ACVR1C: variants seen among roughly 807,000 people sequenced by gnomAD.
ACVR1C encodes the protein activin receptor type-1C.
In ACVR1C, 23 loss-of-function variants were observed where a neutral mutation model predicts 57.9. That is an observed-to-expected ratio of 0.40 (90% CI 0.29 to 0.56). The LOEUF (loss-of-function observed/expected upper bound fraction) is 0.56, where lower values mean the gene tolerates loss of function less well. ACVR1C is among the 20% of genes least tolerant of loss of function. ACVR1C has a pLI of 0.50. For missense variants in ACVR1C, 480 were observed against 607.9 expected, an observed-to-expected ratio of 0.79 and a Z score of 2.21; for synonymous variants, 214 against 215.3, an observed-to-expected ratio of 0.99 and a Z score of 0.05.
intron 1 of ACVR1C, among the ~76,000 whole-genome samples, chr2:157,615,522 G>A (rs1490269965): frequency 2.6e-5 from 4 of 152,022 alleles, no homozygotes; most frequent in South Asian, 4.2e-4. Context: ...CTACAGGTGT[G>A]CACAACCATA....
chr2:157,627,137 A>G (rs115451568), intron 1 of ACVR1C, among the ~76,000 whole-genome samples: 2 of 152,176 alleles, frequency 1.3e-5, no homozygotes, highest in African/African-American at 4.8e-5. Flanking sequence ...CAGCTCCTCC[A>G]AATAAAAAGA....
rs139424604 is a variant in ACVR1C, at chr2:157,602,704, T to C, written c.74-15287A>G. 6.1e-3 allele frequency among the ~76,000 whole-genome samples: 931 copies of C among 152,270 alleles called. 6 individuals carry two copies. The highest frequency in any genetic ancestry group is 0.021 in the African/African-American group (859 of 41,558). ...TATTTAGGTTGGAACTTGTTCACTA[T>C]AAATATGAAAAGTAAAATAATTAAA... On this transcript the variant is annotated intron_variant, in intron 1 of 8. Coordinates refer to ENST00000243349, the MANE Select transcript of ACVR1C (RefSeq NM_145259.3).
intron 1 of ACVR1C, among the ~76,000 whole-genome samples, chr2:157,623,137 G>T (rs147038345): frequency 9.6e-4 from 146 of 152,280 alleles, no homozygotes; most frequent in Middle Eastern, 6.8e-3. Flanking sequence ...GGAAAAAAGC[G>T]AACATTTGTA....
chr2:157,555,472 G>C (rs536892873), intron 3 of ACVR1C, among the ~76,000 whole-genome samples: 1 of 152,334 alleles, frequency 6.6e-6, no homozygotes, highest in South Asian at 2.1e-4. Flanking sequence ...GAGGAAGACA[G>C]TCATGTATGT....
At chr2:157,604,190 C>A (rs1231503196) in intron 1 of ACVR1C, among the ~76,000 whole-genome samples, 1 of 152,000 alleles carries the variant, frequency 6.6e-6, no homozygotes, top group Non-Finnish European at 1.5e-5. Context: ...GAAATTATTA[C>A]AGTAACTATT....
chr2:157,600,517 C>T (rs1382640208), intron 1 of ACVR1C, among the ~76,000 whole-genome samples: 1 of 152,086 alleles, frequency 6.6e-6, no homozygotes, highest in African/African-American at 2.4e-5. Context: ...CTATCTGTCT[C>T]AAGTTTAGAA....
chr2:157,586,886 T>C (rs763948695), intron 2 of ACVR1C, among the ~76,000 whole-genome samples: 2 of 152,188 alleles, frequency 1.3e-5, no homozygotes, highest in Non-Finnish European at 2.9e-5. Context: ...AATTTCTTTT[T>C]AAAAACTCCA....
intron 2 of ACVR1C, among the ~76,000 whole-genome samples, chr2:157,574,483 T>G (rs1201876160): frequency 6.6e-6 from 1 of 152,208 alleles, no homozygotes; most frequent in Non-Finnish European, 1.5e-5. Flanking sequence ...GGGGAACATA[T>G]TTAGACCATA....
At chr2:157,565,130 T>A (rs1047928269) in intron 2 of ACVR1C, among the ~76,000 whole-genome samples, 2 of 151,060 alleles carry the variant, frequency 1.3e-5, no homozygotes, top group Non-Finnish European at 2.9e-5. Context: ...AAAATTCTTT[T>A]AAAAATAAAA....
At chr2:157,540,961 C>A (rs1687612687) in intron 7 of ACVR1C, 129 bp downstream of exon 7, 1 of 1,172,988 alleles carries the variant, frequency 8.5e-7, no homozygotes, top group South Asian at 1.8e-5. Flanking sequence ...AATATATCAC[C>A]AAAAGGTATT....
chr2:157,587,058 A>G, intron 2 of ACVR1C, 129 bp downstream of exon 2: 1 of 889,850 alleles, frequency 1.1e-6, no homozygotes, highest in Non-Finnish European at 1.7e-6. Context: ...TTTACCAGCC[A>G]AAATCAAAAA....
intron 4 of ACVR1C, among the ~76,000 whole-genome samples, chr2:157,549,863 C>T (rs1312588525): frequency 2.1e-5 from 3 of 146,116 alleles, no homozygotes; most frequent in Admixed American, 6.8e-5. Context: ...ATTAGCCAGG[C>T]GTAGTGGCGG....
chr2:157,581,300 T>C (rs1304083456), intron 2 of ACVR1C, among the ~76,000 whole-genome samples: 2 of 151,868 alleles, frequency 1.3e-5, no homozygotes, highest in African/African-American at 2.4e-5. Flanking sequence ...AGAGAGACTA[T>C]AGATATTGAA....
In ACVR1C at chr2:157,532,071, C is replaced by G. The variant is rs921412363; in HGVS notation, c.*1847G>C. ...GAGCATTAACGAGTATGGAAGTACA[C>G]GCAAACTCCATAGCTGTCAGTTTTT... On this transcript the variant is annotated 3_prime_UTR_variant, in exon 9 of 9. Transcript: ENST00000243349. The G allele has an allele frequency of 6.6e-6, 1 of 152,088 alleles. No homozygotes were observed. The highest frequency in any genetic ancestry group is 2.4e-5 in the African/African-American group (1 of 41,418). 9.4% of individuals were successfully genotyped at this position (152,088 alleles called of 1,614,324 possible). A position where few individuals can be genotyped will look rare whatever the true frequency, so the allele number is the denominator to read the frequency against.
intron 2 of ACVR1C, among the ~76,000 whole-genome samples, chr2:157,566,895 G>T (rs1174129921): frequency 4.6e-5 from 7 of 151,250 alleles, no homozygotes; most frequent in Non-Finnish European, 1.0e-4. Context: ...GCCTCTGTAG[G>T]CTCCACCTCT....
rs1173469291 is a variant in ACVR1C at position 157,549,829 on chromosome 2, CA to C, written c.775+332del. 0.15 allele frequency among the ~76,000 whole-genome samples: 7,205 copies of C among 47,604 alleles called. 262 individuals are homozygous for C. The highest frequency in any genetic ancestry group is 0.39 in the East Asian group (972 of 2,472). 31.2% of individuals were successfully genotyped at this position (47,604 alleles called of 152,430 possible). A position where few individuals can be genotyped will look rare whatever the true frequency, so the allele number is the denominator to read the frequency against. ...TGAAACCCCGTCTCTACTAAAAATACAAAAAAAAAAAAAAAAAAAAAAAATT... is the reference window on the plus strand; with the variant it reads ...TGAAACCCCGTCTCTACTAAAAATACAAAAAAAAAAAAAAAAAAAAAAATT... On this transcript the variant is annotated intron_variant, in intron 4 of 8. Transcript: ENST00000243349.
chr2:157,623,737 G>A (rs1256974758), intron 1 of ACVR1C, among the ~76,000 whole-genome samples: 1 of 152,074 alleles, frequency 6.6e-6, no homozygotes, highest in African/African-American at 2.4e-5. Flanking sequence ...TTAAAATAAA[G>A]AATGTAATTG....
chr2:157,609,998 TTAATTGTTTTC>T (rs1682495611), intron 1 of ACVR1C, among the ~76,000 whole-genome samples: 1 of 152,088 alleles, frequency 6.6e-6, no homozygotes, highest in Admixed American at 6.5e-5. Flanking sequence ...TGTCATATTG[TTAATTGTTTTC>T]TAGTTGTTTT....
At chr2:157,595,649 A>T (rs560568243) in intron 1 of ACVR1C, among the ~76,000 whole-genome samples, 2 of 152,290 alleles carry the variant, frequency 1.3e-5, no homozygotes, top group Admixed American at 1.3e-4. Context: ...TACATTTAGA[A>T]TAAAGCAAAA....
Sources: allele counts gnomAD v4.1 joint callset (sites outside exome capture counted in the v4.1 genomes callset), GRCh38; gene constraint gnomAD v4.1.1; transcripts MANE v1.5; gene names NCBI Gene and HGNC (gene_info 2026-07-23, HGNC 2026-07-21).